Variants in VRK2 observed in about 807,000 individuals in gnomAD.
VRK2 encodes VRK serine/threonine kinase 2.
In VRK2, 60 loss-of-function variants were observed where a neutral mutation model predicts 57.6. The ratio of observed to expected loss-of-function variants is 1.04; its 90% confidence interval spans 0.85 to 1.29. VRK2 has a LOEUF of 1.29. Ranked by LOEUF, VRK2 falls within the 50% of genes most tolerant of loss-of-function variation. The pLI is 0.00. For missense variants in VRK2, 705 were observed against 588.1 expected (o/e 1.20, Z -2.06); for synonymous variants, 231 against 199.2 (o/e 1.16, Z -1.35).
intron 1 of VRK2, among the ~76,000 whole-genome samples, chr2:57,943,706 A>T (rs951278304): frequency 2.0e-5 from 3 of 152,224 alleles, no homozygotes; most frequent in African/African-American, 4.8e-5. Context: ...TAAGGAGCAG[A>T]CTTTTTTCCT....
rs140028382 is a variant in VRK2, at chr2:58,025,966, T to G, written c.-333+196T>G. Reference sequence around the variant, plus strand: ...AGCTATTCATCAATATATAATGGTCTCTGTGATTTCAGTACAGATGACTAC... The same window carrying G: ...AGCTATTCATCAATATATAATGGTCGCTGTGATTTCAGTACAGATGACTAC... On this transcript the variant is annotated intron_variant, in intron 2 of 15. Transcript: ENST00000417641. Among the ~76,000 whole-genome samples the G allele has an allele frequency of 7.0e-3, 1,061 of 152,302 alleles. 12 individuals are homozygous for G. Among genetic ancestry groups the G allele is most frequent in the African/African-American group, 0.024 (1,003 of 41,566 alleles).
chr2:57,926,720 A>G (rs1670550573), intron 1 of VRK2, among the ~76,000 whole-genome samples: 1 of 147,682 alleles, frequency 6.8e-6, no homozygotes, highest in Admixed American at 6.7e-5. Context: ...CCCTTTTTTT[A>G]GTCTTTTTTT....
chr2:58,089,597 C>T (rs745651289), intron 6 of VRK2, 34 bp from the exon 7 acceptor site: 2 of 1,348,012 alleles, frequency 1.5e-6, no homozygotes, highest in South Asian at 2.6e-5. Context: ...TTCTAAATAG[C>T]AGTAAACCTT....
intron 1 of VRK2, among the ~76,000 whole-genome samples, chr2:57,984,582 G>A (rs959567714): frequency 6.6e-6 from 1 of 151,978 alleles, no homozygotes; most frequent in Non-Finnish European, 1.5e-5. Context: ...CTAACAAAGG[G>A]AAGATCCTTG....
intron 1 of VRK2, among the ~76,000 whole-genome samples, chr2:57,929,371 C>T (rs1357427636): frequency 3.9e-5 from 6 of 152,192 alleles, no homozygotes; most frequent in South Asian, 2.1e-4. Flanking sequence ...TGCCTAACCA[C>T]CACCAGTGTT....
At chr2:58,121,806 C>T (rs549624830) in intron 7 of VRK2, among the ~76,000 whole-genome samples, 3 of 152,244 alleles carry the variant, frequency 2.0e-5, no homozygotes, top group East Asian at 1.9e-4. Context: ...TGAAATGATA[C>T]ATTTTCCAAG....
At chr2:58,034,101 C>G (rs1026307280) in intron 3 of VRK2, among the ~76,000 whole-genome samples, 7 of 152,022 alleles carry the variant, frequency 4.6e-5, no homozygotes, top group Admixed American at 3.3e-4. Flanking sequence ...TCATTCTCTT[C>G]TTAGTAGCTA....
chr2:58,142,738 T>G (rs1461466794), intron 11 of VRK2, among the ~76,000 whole-genome samples: 1 of 152,004 alleles, frequency 6.6e-6, no homozygotes, highest in African/African-American at 2.4e-5. Context: ...AAAGCCAAGA[T>G]GGAAAACAGC....
chr2:58,106,166 A>G (rs766898855), intron 7 of VRK2, among the ~76,000 whole-genome samples: 31 of 151,822 alleles, frequency 2.0e-4, no homozygotes, highest in Non-Finnish European at 3.7e-4. Context: ...TGAGAGTATC[A>G]TAGGTTTTTT....
chr2:58,084,730 T>G (rs58470176), intron 3 of VRK2, 151 bp from the exon 4 acceptor site: 11,851 of 508,274 alleles, frequency 0.023, 1,222 homozygotes, highest in African/African-American at 0.21. Flanking sequence ...TCTGAGATTT[T>G]TAGTGGAAAT....
intron 1 of VRK2, among the ~76,000 whole-genome samples, chr2:57,999,709 T>C (rs756920189): frequency 5.3e-5 from 8 of 152,202 alleles, no homozygotes; most frequent in Non-Finnish European, 1.2e-4. Context: ...ATAACAAAAT[T>C]AGTTTTTAGA....
intron 7 of VRK2, among the ~76,000 whole-genome samples, chr2:58,093,105 A>G (rs1416473768): frequency 2.6e-5 from 4 of 152,216 alleles, no homozygotes; most frequent in South Asian, 2.1e-4. Context: ...GCTATTGTGA[A>G]TAGTGCTGCA....
At chr2:57,978,639 T>C (rs1443365444) in intron 1 of VRK2, among the ~76,000 whole-genome samples, 2 of 150,716 alleles carry the variant, frequency 1.3e-5, no homozygotes, top group Non-Finnish European at 2.9e-5. Flanking sequence ...AAGTATCTTT[T>C]TTTTTTTATA....
intron 9 of VRK2, 78 bp from the exon 10 acceptor site, chr2:58,135,063 T>A: frequency 6.7e-7 from 1 of 1,499,182 alleles, no homozygotes; most frequent in South Asian, 1.2e-5. Flanking sequence ...TACCAACACA[T>A]AGAGTGTTTT....
At chr2:57,940,973 T>C (rs902590592) in intron 1 of VRK2, among the ~76,000 whole-genome samples, 6 of 151,806 alleles carry the variant, frequency 4.0e-5, no homozygotes, top group Middle Eastern at 3.4e-3. Context: ...TCTTAGAGAG[T>C]AACACAAGAA....
In VRK2 at chr2:58,123,112, A is replaced by G. The variant is rs1677773717; in HGVS notation, c.555A>G (p.Ala185=). The G allele has an allele frequency of 1.3e-6, 2 of 1,598,372 alleles. No homozygotes were observed. Among genetic ancestry groups the G allele is most frequent in the East Asian group, 2.3e-5 (1 of 44,140 alleles). ...GYKNPDQVYL[A]DYGLSYRYCP... is the part of the protein sequence containing the mutation. ...TGCTTGTCTTCCAGGTTTATCTTGC[A>G]GATTATGGACTTTCCTACAGATATT... Residue 185 remains alanine, a synonymous_variant, in exon 8 of 13, where the codon GCA becomes GCG. Transcript: ENST00000340157.
chr2:58,135,799 C>A (rs778970547), intron 10 of VRK2, among the ~76,000 whole-genome samples: 2 of 152,228 alleles, frequency 1.3e-5, no homozygotes, highest in Admixed American at 6.5e-5. Flanking sequence ...TAAAATAGCA[C>A]GTCAACTAGT....
chr2:57,990,040 A>G (rs1672714327), intron 1 of VRK2, among the ~76,000 whole-genome samples: 1 of 152,216 alleles, frequency 6.6e-6, no homozygotes, highest in Non-Finnish European at 1.5e-5. Context: ...ACACAGAAAG[A>G]TTCTGCTAGT....
intron 1 of VRK2, among the ~76,000 whole-genome samples, chr2:57,947,970 T>C (rs1396618429): frequency 6.6e-6 from 1 of 152,174 alleles, no homozygotes; most frequent in Non-Finnish European, 1.5e-5. Flanking sequence ...CTCTAAGTAC[T>C]CTCTCCTGAA....
Sources: gnomAD v4.1 joint callset for allele counts (sites outside exome capture counted in the v4.1 genomes callset) on GRCh38, gnomAD v4.1.1 for gene constraint, MANE v1.5 for transcripts, NCBI Gene and HGNC (gene_info 2026-07-23, HGNC 2026-07-21) for gene names.